SPTB: variants seen among roughly 807,000 people sequenced by gnomAD.
SPTB encodes the protein spectrin beta, erythrocytic, also known as spectrin beta chain, erythrocytic.
Under a neutral mutation model 256.2 loss-of-function variants are expected in SPTB, and 45 were observed. The observed-to-expected ratio is 0.18, with a 90% CI of 0.14 to 0.23. The LOEUF is 0.23. Among genes scored for constraint, SPTB ranks in the 10% least tolerant of loss-of-function variants. The probability of loss-of-function intolerance (pLI) is 1.00; values close to 1 mark genes in which losing one functional copy is unlikely to be tolerated. For missense variants in SPTB, 2,715 were observed against 3,040.4 expected (o/e 0.89, Z 2.52); for synonymous variants, 1,231 against 1,243.1 (o/e 0.99, Z 0.21).
chr14:64,808,800 C>T (rs2083034337), intron 2 of SPTB, among the ~76,000 whole-genome samples: 1 of 152,114 alleles, frequency 6.6e-6, no homozygotes, highest in Non-Finnish European at 1.5e-5. Flanking sequence ...ATACTGAATT[C>T]CATATCAGGT....
chr14:64,761,427 T>C (rs554984877), intron 32 of SPTB, among the ~76,000 whole-genome samples: 33 of 152,048 alleles, frequency 2.2e-4, no homozygotes, highest in African/African-American at 8.0e-4. Context: ...CTGGGATACA[T>C]GGTGAGGAGT....
At chr14:64,879,504 T>C (rs1327228134) in intron 1 of SPTB, among the ~76,000 whole-genome samples, 1 of 152,038 alleles carries the variant, frequency 6.6e-6, no homozygotes, top group Non-Finnish European at 1.5e-5. Flanking sequence ...CGCCCCGGGG[T>C]GACGGACTCT....
intron 1 of SPTB, among the ~76,000 whole-genome samples, chr14:64,842,330 CAG>C (rs34620529): frequency 0.67 from 101,142 of 151,872 alleles, 37,092 homozygotes; most frequent in Non-Finnish European, 0.84. Flanking sequence ...CAGAAAGAGC[CAG>C]AGGGTAGCAG....
rs1160188951 is a variant in SPTB at position 64,825,385 on chromosome 14, C to T, written c.-51-2240G>A. The stretch of plus-strand genomic sequence containing the variant: ...CTGTCCTCTTCTGCAGATGGACTTG[C>T]TGCTTCCAGGACTGAGATTTCGCAC... On this transcript the variant is annotated intron_variant, in intron 1 of 35. Transcript: ENST00000644917. The surrounding 1 kb of genome is among the most constrained non-coding windows in gnomAD (Gnocchi z 4.8). Among the ~76,000 whole-genome samples, 1 of 152,192 alleles carries T rather than the reference C, an allele frequency of 6.6e-6. No homozygotes were observed. Among genetic ancestry groups the T allele is most frequent in the Non-Finnish European group, 1.5e-5 (1 of 68,022 alleles).
At position 64,850,602 on chromosome 14, in the gene SPTB, C is replaced by T. The variant is rs550825035; in HGVS notation, c.-51-27457G>A. 2.6e-5 allele frequency among the ~76,000 whole-genome samples: 4 copies of T among 152,280 alleles called. No individual in the cohort carries two copies. The South Asian group carries it at 8.3e-4, about 32-fold the overall frequency. ...GCACGAGTCCCCTGCCTCTTGTCCG[C>T]CCAACAATGAAGAGTTCAATTCTTG... On this transcript the variant is annotated intron_variant, in intron 1 of 35. Transcript: ENST00000644917.
At chr14:64,784,905 A>G (rs1161076121) in intron 18 of SPTB, among the ~76,000 whole-genome samples, 1 of 152,252 alleles carries the variant, frequency 6.6e-6, no homozygotes, top group African/African-American at 2.4e-5. Context: ...AGTACTGTCA[A>G]TGGAGGGACC....
chr14:64,842,393 G>A (rs1369740266), intron 1 of SPTB, among the ~76,000 whole-genome samples: 1 of 152,190 alleles, frequency 6.6e-6, no homozygotes, highest in East Asian at 1.9e-4. Context: ...TTGATCCGGG[G>A]ACGTGAACCA....
chr14:64,767,938 C>A (rs1316156094), intron 29 of SPTB, 79 bp from the exon 30 acceptor site: 2 of 1,527,106 alleles, frequency 1.3e-6, no homozygotes, highest in African/African-American at 1.4e-5. Context: ...CTGATTGGGG[C>A]CAGTGGTCAG....
chr14:64,772,175 G>A lies in SPTB; in HGVS notation c.5553+405C>T, dbSNP rs1052762204. Among the ~76,000 whole-genome samples the A allele has an allele frequency of 6.6e-6, 1 of 152,126 alleles. No individual in the cohort carries two copies. Among genetic ancestry groups the A allele is most frequent in the African/African-American group, 2.4e-5 (1 of 41,432 alleles). On this transcript the variant is annotated intron_variant, in intron 26 of 35. Transcript: ENST00000644917. The surrounding 1 kb of genome is among the most constrained non-coding windows in gnomAD (Gnocchi z 5.4). ...CTACATGTTCCTGGGAAACTTATGG[G>A]TCTTCTACCTCTCCCTTTTCTCATC...
chr14:64,758,632 A>G lies in SPTB; in HGVS notation c.6346-4839T>C, dbSNP rs2082050328. On this transcript the variant is annotated intron_variant, in intron 32 of 35. Transcript: ENST00000644917. The surrounding 1 kb of genome is among the most constrained non-coding windows in gnomAD (Gnocchi z 4.6). ...AGACTTCGAGGAAGATTGTGTCTAG[A>G]TATATATCCAAGAGGTCAAATCCTT... is the stretch of plus-strand genomic sequence containing the variant. Among the ~76,000 whole-genome samples, 1 of 152,234 alleles carries G rather than the reference A, an allele frequency of 6.6e-6. No homozygotes were observed. The highest frequency in any genetic ancestry group is 6.5e-5 in the Admixed American group (1 of 15,292).
chr14:64,851,657 A>G (rs955214745), intron 1 of SPTB, among the ~76,000 whole-genome samples: 9 of 152,216 alleles, frequency 5.9e-5, no homozygotes, highest in African/African-American at 1.4e-4. Flanking sequence ...AATGTGGTAC[A>G]TATACACCAT....
intron 1 of SPTB, among the ~76,000 whole-genome samples, chr14:64,830,321 C>G (rs1015345905): frequency 5.4e-5 from 8 of 147,728 alleles, no homozygotes; most frequent in Non-Finnish European, 4.5e-5. Flanking sequence ...GACCTGATCT[C>G]AAACTCTGGA....
At chr14:64,788,280 CATTCATCTT>C (rs1177480614) in intron 15 of SPTB, among the ~76,000 whole-genome samples, 1 of 152,196 alleles carries the variant, frequency 6.6e-6, no homozygotes, top group Non-Finnish European at 1.5e-5. Context: ...CCAAGTGTCT[CATTCATCTT>C]TGTACCCTGC....
rs969016805 is a variant in SPTB at position 64,853,930 on chromosome 14, G to A, written c.-52+25862C>T. On this transcript the variant is annotated intron_variant, in intron 1 of 35. Transcript: ENST00000644917. The surrounding 1 kb of genome is among the most constrained non-coding windows in gnomAD (Gnocchi z 4.3). ...TCACTGGCCAGCCGCGGTGGCTCAC[G>A]CCTGTAATCCCAGTACTTTGGGAGA... Among the ~76,000 whole-genome samples, 2 of 152,254 alleles carry A rather than the reference G, an allele frequency of 1.3e-5. No homozygotes were observed. The highest frequency in any genetic ancestry group is 2.9e-5 in the Non-Finnish European group (2 of 68,024).
chr14:64,864,975 G>T (rs970959533), intron 1 of SPTB, among the ~76,000 whole-genome samples: 6 of 152,112 alleles, frequency 3.9e-5, no homozygotes, highest in African/African-American at 1.4e-4. Flanking sequence ...TAAAATAAGG[G>T]AGCTGAACAA....
In SPTB at chr14:64,792,462, T is replaced by C. The variant is rs2082690544; in HGVS notation, c.2666+535A>G. On this transcript the variant is annotated intron_variant, in intron 14 of 35. Coordinates refer to ENST00000644917, the MANE Select transcript of SPTB (RefSeq NM_001355436.2). The surrounding 1 kb of genome is among the most constrained non-coding windows in gnomAD (Gnocchi z 4.2). ...CTCTCCTTCTCCTGACTGCCTGAATTCTGTGCTTCAGCTGCTGAGATGCTG... is the reference window on the plus strand; with the variant it reads ...CTCTCCTTCTCCTGACTGCCTGAATCCTGTGCTTCAGCTGCTGAGATGCTG... Among the ~76,000 whole-genome samples the C allele has an allele frequency of 6.6e-6, 1 of 152,172 alleles. No homozygotes were observed. Among genetic ancestry groups the C allele is most frequent in the African/African-American group, 2.4e-5 (1 of 41,426 alleles).
Position 64,777,593 on chromosome 14 carries a change from C to G in SPTB, c.4563+1564G>C, listed in dbSNP as rs1240371110. 6.6e-6 allele frequency among the ~76,000 whole-genome samples: 1 copy of G among 152,076 alleles called. No homozygotes were observed. The highest frequency in any genetic ancestry group is 2.4e-5 in the African/African-American group (1 of 41,368). On this transcript the variant is annotated intron_variant, in intron 22 of 35. Transcript: ENST00000644917. This position sits in a 1 kb window ranked among gnomAD's most constrained non-coding sequence, Gnocchi z 4.5. ...CCTGAACCAGCAGCATCGGCATCAC[C>G]TAGGATCTTGTTGGAAATGCAAATT...
intron 33 of SPTB, chr14:64,752,273 C>G: frequency 2.2e-6 from 3 of 1,341,502 alleles, no homozygotes; most frequent in Non-Finnish European, 3.0e-6. Flanking sequence ...CCTCTTCATC[C>G]TCCTCTTCTG....
intron 33 of SPTB, chr14:64,752,320 T>C (rs777929679): frequency 8.1e-7 from 1 of 1,233,764 alleles, no homozygotes; most frequent in South Asian, 1.2e-5. Flanking sequence ...CCCTTACTTT[T>C]GAGGGCAGGA....
Sources: gnomAD v4.1 joint callset for allele counts (sites outside exome capture counted in the v4.1 genomes callset) on GRCh38, gnomAD v4.1.1 for gene constraint, Gnocchi (gnomAD v3.1) non-coding constraint, MANE v1.5 for transcripts, NCBI Gene and HGNC (gene_info 2026-07-23, HGNC 2026-07-21) for gene names.